FIBCD1: variants seen among roughly 807,000 people sequenced by gnomAD.
FIBCD1 encodes fibrinogen C domain-containing protein 1.
Under a neutral mutation model 45.1 loss-of-function variants are expected in FIBCD1, and 47 were observed. The observed-to-expected ratio is 1.04, with a 90% CI of 0.82 to 1.33. The LOEUF (loss-of-function observed/expected upper bound fraction) is 1.33. FIBCD1 is among the 40% of genes most tolerant of loss of function. FIBCD1 has a pLI of 0.00. For missense variants in FIBCD1, 653 were observed against 682.2 expected (o/e 0.96, Z 0.48); for synonymous variants, 313 against 308.1 (o/e 1.02, Z -0.17).
chr9:130,938,369 C>T (rs1366220352), intron 1 of FIBCD1, among the ~76,000 whole-genome samples, 167 bp downstream of exon 1: 2 of 152,288 alleles, frequency 1.3e-5, no homozygotes, highest in African/African-American at 2.4e-5. Context: ...GTTCAAGCCT[C>T]GGCTCGGGGA....
At chr9:130,933,352 G>A (rs1588113905) in intron 1 of FIBCD1, among the ~76,000 whole-genome samples, 1 of 152,142 alleles carries the variant, frequency 6.6e-6, no homozygotes, top group East Asian at 1.9e-4. Context: ...GGCTGAGCTG[G>A]GTGCACTCCC....
At chr9:130,933,246 G>A (rs1401012254) in intron 1 of FIBCD1, among the ~76,000 whole-genome samples, 1 of 152,238 alleles carries the variant, frequency 6.6e-6, no homozygotes, top group Non-Finnish European at 1.5e-5. Context: ...TACGTGCCTT[G>A]CGAAGAAATC....
chr9:130,902,791 C>A lies in FIBCD1; in HGVS notation c.*1273G>T, dbSNP rs535213023. ...TGAGCAGACAGCTGAGGACCCGGCT[C>A]CAGCCCTGCCCTTGTGGCTGCTGGT... is the stretch of plus-strand genomic sequence containing the variant. On this transcript the variant is annotated 3_prime_UTR_variant, in exon 7 of 7. Transcript: ENST00000372338. 6 of 152,428 alleles carry A rather than the reference C, an allele frequency of 3.9e-5. No homozygotes were observed. The East Asian group carries it at 1.2e-3, about 29-fold the overall frequency. 9.4% of individuals were successfully genotyped at this position (152,428 alleles called of 1,614,324 possible).
intron 5 of FIBCD1, among the ~76,000 whole-genome samples, chr9:130,909,367 C>G (rs2133071931): frequency 6.6e-6 from 1 of 152,238 alleles, no homozygotes; most frequent in African/African-American, 2.4e-5. Context: ...GCATTCGAGG[C>G]CGCCCAGATG....
intron 4 of FIBCD1, among the ~76,000 whole-genome samples, chr9:130,913,087 A>G (rs10901301): frequency 0.2 from 30,858 of 151,906 alleles, 3,695 homozygotes; most frequent in East Asian, 0.51. Flanking sequence ...TGTTCATTTT[A>G]ATAACATTCT....
intron 4 of FIBCD1, among the ~76,000 whole-genome samples, chr9:130,914,149 G>A (rs1448970413): frequency 6.6e-6 from 1 of 151,874 alleles, no homozygotes; most frequent in Non-Finnish European, 1.5e-5. Context: ...GCTAGCCACA[G>A]CACTGAGGCC....
chr9:130,930,866 G>A (rs554656405), intron 1 of FIBCD1: 2 of 453,800 alleles, frequency 4.4e-6, no homozygotes, highest in Non-Finnish European at 8.9e-6. Context: ...TGATGCAACA[G>A]CAGCGATGCT....
At chr9:130,910,607 G>A (rs1324225829) in intron 5 of FIBCD1, among the ~76,000 whole-genome samples, 9 of 152,252 alleles carry the variant, frequency 5.9e-5, no homozygotes, top group Non-Finnish European at 1.3e-4. Context: ...GGGAGGTGGA[G>A]AGTCTTTATG....
chr9:130,929,465 G>A, intron 2 of FIBCD1, 102 bp downstream of exon 2: 1 of 1,403,210 alleles, frequency 7.1e-7, no homozygotes, highest in Non-Finnish European at 9.3e-7. Flanking sequence ...TGGGGCCTTG[G>A]GGATTAAGTG....
In FIBCD1 at chr9:130,902,708, C is replaced by A. The variant is rs114528303; in HGVS notation, c.*1356G>T. On this transcript the variant is annotated 3_prime_UTR_variant, in exon 7 of 7. Coordinates refer to ENST00000372338, the MANE Select transcript of FIBCD1 (RefSeq NM_032843.5). The stretch of plus-strand genomic sequence containing the variant: ...CTTTCGGAGGCCCCCCATCAGGAGG[C>A]CTTGGAAAAGCCGCCCTGCATCTGG... 5.1e-4 allele frequency: 78 copies of A among 152,368 alleles called. No individual in the cohort carries two copies. The highest frequency in any genetic ancestry group is 1.8e-3 in the African/African-American group (75 of 41,586). The allele number at this position is 152,368 out of a possible 1,614,324, so 9.4% of individuals were successfully genotyped here.
At position 130,938,594 on chromosome 9, in the gene FIBCD1, C is replaced by T. The variant is rs1832559828; in HGVS notation, c.14G>A (p.Arg5Gln). The T allele has an allele frequency of 6.8e-7, 1 of 1,469,302 alleles. No homozygotes were observed. The highest frequency in any genetic ancestry group is 9.0e-7 in the Non-Finnish European group (1 of 1,112,918). 91.0% of individuals were successfully genotyped at this position (1,469,302 alleles called of 1,614,324 possible). A position where few individuals can be genotyped will look rare whatever the true frequency, so the allele number is the denominator to read the frequency against. MVND[R>Q]WKTMGGAAQL... ...GGCAGCGCCGCCCATGGTCTTCCACCGGTCGTTGACCATCTTCCGGCAGGA... is the reference window on the plus strand; with the variant it reads ...GGCAGCGCCGCCCATGGTCTTCCACTGGTCGTTGACCATCTTCCGGCAGGA... The change falls in exon 1 of 7, where the codon CGG becomes CAG. Residue 5 changes from arginine (R) to glutamine (Q), a missense_variant. Coordinates refer to ENST00000372338, the MANE Select transcript of FIBCD1 (RefSeq NM_032843.5).
rs77333263 is a variant in FIBCD1, at chr9:130,904,134, G to A, written c.1316C>T (p.Ser439Phe). The A allele has an allele frequency of 6.2e-7, 1 of 1,613,424 alleles. No individual in the cohort carries two copies. Among genetic ancestry groups the A allele is most frequent in the Non-Finnish European group, 8.5e-7 (1 of 1,179,900 alleles). The change falls in exon 7 of 7, where the codon TCC becomes TTC. Residue 439 changes from serine (S) to phenylalanine (F), a missense_variant. By Grantham distance (155) the Ser-to-Phe change is radical (BLOSUM62 -2). Transcript: ENST00000372338. ...GAGTGAGTACTGCCAGCCGGTCCAG[G>A]AGGACCACTCCACGCCGTCGGCATA... ...ASYADGVEWS[S>F]WTGWQYSLKF...
chr9:130,932,808 G>GC (rs1281023205), intron 1 of FIBCD1, among the ~76,000 whole-genome samples: 1 of 152,222 alleles, frequency 6.6e-6, no homozygotes, highest in African/African-American at 2.4e-5. Flanking sequence ...TTCCTTCCCT[G>GC]CCTAAAGTAT....
chr9:130,912,543 C>T (rs1007991078), intron 4 of FIBCD1, among the ~76,000 whole-genome samples: 4 of 151,864 alleles, frequency 2.6e-5, no homozygotes, highest in African/African-American at 9.7e-5. Flanking sequence ...CCCGTCTCTA[C>T]TGAAAATATA....
At chr9:130,939,642 TCCGCGCTCGG>T (rs1362259181), upstream of FIBCD1, among the ~76,000 whole-genome samples, 1 of 151,370 alleles carries the variant, frequency 6.6e-6, no homozygotes, top group African/African-American at 2.4e-5. Flanking sequence ...TACCAGCCGC[TCCGCGCTCGG>T]CCGCGCTCCC....
At chr9:130,928,570 T>C (rs1195249966) in intron 2 of FIBCD1, among the ~76,000 whole-genome samples, 1 of 152,198 alleles carries the variant, frequency 6.6e-6, no homozygotes, top group Non-Finnish European at 1.5e-5. Flanking sequence ...TTTCTCCAGC[T>C]GCTGCCTTCA....
intron 4 of FIBCD1, among the ~76,000 whole-genome samples, 189 bp from the exon 5 acceptor site, chr9:130,912,077 A>G (rs1200192347): frequency 6.6e-6 from 1 of 151,948 alleles, no homozygotes; most frequent in African/African-American, 2.4e-5. Flanking sequence ...CAGAGGTTCC[A>G]GAGCCTCATG....
chr9:130,938,677 C>G lies in FIBCD1; in HGVS notation c.-70G>C. 1 of 976,048 alleles carries G rather than the reference C, an allele frequency of 1.0e-6. No homozygotes were observed. Among genetic ancestry groups the G allele is most frequent in the Non-Finnish European group, 1.3e-6 (1 of 769,192 alleles). The allele number at this position is 976,048 out of a possible 1,614,324, so 60.5% of individuals were successfully genotyped here. ...CGGAGCGCAAAGGAGACGGGGTGGG[C>G]GCGGGCGCGGGCGCGGGGCGCGCTC... On this transcript the variant is annotated 5_prime_UTR_variant, in exon 1 of 7. Coordinates refer to ENST00000372338, the MANE Select transcript of FIBCD1 (RefSeq NM_032843.5).
At position 130,938,518 on chromosome 9, in the gene FIBCD1, C is replaced by T; in HGVS notation, c.72+18G>A. On this transcript the variant is annotated intron_variant, in intron 1 of 6. Transcript: ENST00000372338. ...CTGGCCAGCCGCCCAGGCCCCGTGT[C>T]CCAGCGCCCGAGCGTACCTGCGGCT... 6.7e-7 allele frequency: 1 copy of T among 1,484,608 alleles called. No individual in the cohort carries two copies. Among genetic ancestry groups the T allele is most frequent in the Non-Finnish European group, 8.9e-7 (1 of 1,123,314 alleles). The allele number at this position is 1,484,608 out of a possible 1,614,324, so 92.0% of individuals were successfully genotyped here. A position where few individuals can be genotyped will look rare whatever the true frequency, so the allele number is the denominator to read the frequency against.
Sources: allele counts gnomAD v4.1 joint callset (sites outside exome capture counted in the v4.1 genomes callset), GRCh38; gene constraint gnomAD v4.1.1; transcripts MANE v1.5; gene names NCBI Gene and HGNC (gene_info 2026-07-23, HGNC 2026-07-21).